Variants in SORCS1 observed in about 807,000 individuals in gnomAD.
The protein encoded by SORCS1 is VPS10 domain-containing receptor SorCS1.
Under a neutral mutation model 146.1 loss-of-function variants are expected in SORCS1, and 60 were observed. That is an observed-to-expected ratio of 0.41 (90% CI 0.33 to 0.51). The LOEUF (loss-of-function observed/expected upper bound fraction) is 0.51, where lower values mean the gene tolerates loss of function less well. Ranked by LOEUF, SORCS1 falls within the 20% of genes least tolerant of loss-of-function variation. The pLI is 0.21. For synonymous variants in SORCS1, 637 were observed against 584.0 expected, an observed-to-expected ratio of 1.09 and a Z score of -1.31; for missense variants, 1,352 against 1,487.6, an observed-to-expected ratio of 0.91 and a Z score of 1.50.
intron 18 of SORCS1, among the ~76,000 whole-genome samples, chr10:106,633,852 T>C (rs1848575220): frequency 6.6e-6 from 1 of 152,162 alleles, no homozygotes; most frequent in African/African-American, 2.4e-5. Flanking sequence ...CAGCACTGTT[T>C]TGAGGCCTCT....
At chr10:106,710,374 C>G (rs574368409) in intron 6 of SORCS1, among the ~76,000 whole-genome samples, 50 of 137,466 alleles carry the variant, frequency 3.6e-4, no homozygotes, top group African/African-American at 1.3e-3. Flanking sequence ...TTGAACCCAG[C>G]GGGGCGGAGG....
chr10:107,051,577 G>T (rs1960125836), intron 1 of SORCS1, among the ~76,000 whole-genome samples: 1 of 152,038 alleles, frequency 6.6e-6, no homozygotes, highest in South Asian at 2.1e-4. Flanking sequence ...ATTAACTCAG[G>T]GGGTTCATGG....
At chr10:107,002,640 G>C (rs1042126026) in intron 1 of SORCS1, among the ~76,000 whole-genome samples, 2 of 152,222 alleles carry the variant, frequency 1.3e-5, no homozygotes, top group East Asian at 3.9e-4. Flanking sequence ...TGCTGGAATT[G>C]CATACCTGCA....
At chr10:107,176,763 A>G in the SORCS1 span, among the ~76,000 whole-genome samples, 1 of 152,224 alleles carries the variant, frequency 6.6e-6, no homozygotes, top group African/African-American at 2.4e-5. Context: ...GCTATGATCA[A>G]TAATGGTAAA....
intron 23 of SORCS1, among the ~76,000 whole-genome samples, chr10:106,602,125 C>T (rs1846278557): frequency 6.6e-6 from 1 of 152,176 alleles, no homozygotes; most frequent in African/African-American, 2.4e-5. Flanking sequence ...TCATAGAACA[C>T]ATAACCCAAA....
intron 3 of SORCS1, among the ~76,000 whole-genome samples, chr10:106,822,947 A>T (rs1031167873): frequency 6.8e-6 from 1 of 146,810 alleles, no homozygotes; most frequent in African/African-American, 2.6e-5. Context: ...CACCCGGCTA[A>T]TTTTTTTGTA....
chr10:106,627,446 C>T (rs769420177), intron 19 of SORCS1, among the ~76,000 whole-genome samples: 1 of 152,160 alleles, frequency 6.6e-6, no homozygotes, highest in Non-Finnish European at 1.5e-5. Context: ...AGGTAGGAGC[C>T]ATTCTTGGCA....
chr10:106,614,891 G>A (rs766260561), intron 21 of SORCS1, among the ~76,000 whole-genome samples: 2 of 152,148 alleles, frequency 1.3e-5, no homozygotes, highest in Non-Finnish European at 2.9e-5. Flanking sequence ...ATACACTTGC[G>A]TATTTTTATT....
intron 1 of SORCS1, among the ~76,000 whole-genome samples, chr10:107,125,814 A>G (rs917916262): frequency 1.6e-4 from 25 of 152,202 alleles, no homozygotes; most frequent in African/African-American, 6.0e-4. Flanking sequence ...TAACATTTCC[A>G]GCAAAGTGGC....
At chr10:107,001,364 C>T (rs1437668834) in intron 1 of SORCS1, among the ~76,000 whole-genome samples, 1 of 151,986 alleles carries the variant, frequency 6.6e-6, no homozygotes, top group Non-Finnish European at 1.5e-5. Context: ...ACGTTTCAGA[C>T]CAATTACTCC....
rs568231400 is a variant in SORCS1 at position 106,706,422 on chromosome 10, G to C, written c.1233+123C>G. The C allele has an allele frequency of 1.8e-4, 163 of 912,110 alleles. No homozygotes were observed. The African/African-American group carries it at 2.4e-3, about 13-fold the overall frequency. The allele number at this position is 912,110 out of a possible 1,614,324, so 56.5% of individuals were successfully genotyped here. A position where few individuals can be genotyped will look rare whatever the true frequency, so the allele number is the denominator to read the frequency against. On this transcript the variant is annotated intron_variant, in intron 8 of 25. Transcript: ENST00000263054. ...TAAGGCAGAGCAAACTTGGGAAACA[G>C]AGATGAGAGATGTAAAGAAAACATG...
At chr10:106,590,274 T>G (rs954921614) in intron 24 of SORCS1, among the ~76,000 whole-genome samples, 3 of 152,220 alleles carry the variant, frequency 2.0e-5, no homozygotes, top group African/African-American at 7.2e-5. Context: ...GAACATTTTT[T>G]CATTCTCCTC....
intron 10 of SORCS1, among the ~76,000 whole-genome samples, chr10:106,681,974 A>T (rs917264325): frequency 6.6e-6 from 1 of 152,136 alleles, no homozygotes; most frequent in Non-Finnish European, 1.5e-5. Context: ...CTAAAAATAC[A>T]AAAATTAGCC....
intron 4 of SORCS1, among the ~76,000 whole-genome samples, chr10:106,773,469 C>T (rs1860182154): frequency 6.6e-6 from 1 of 152,198 alleles, no homozygotes; most frequent in Non-Finnish European, 1.5e-5. Context: ...GCGAATGCCC[C>T]ACTCCCTATT....
intron 5 of SORCS1, among the ~76,000 whole-genome samples, chr10:106,738,201 C>T (rs1290747109): frequency 1.3e-5 from 2 of 152,068 alleles, no homozygotes; most frequent in East Asian, 1.9e-4. Flanking sequence ...TCAAAGGGAT[C>T]CTTATCTTTA....
chr10:106,825,604 T>A (rs886235971), intron 3 of SORCS1, among the ~76,000 whole-genome samples: 8 of 152,074 alleles, frequency 5.3e-5, no homozygotes, highest in Middle Eastern at 3.2e-3. Flanking sequence ...ACATTTGTAT[T>A]AGTTCTTCCC....
chr10:106,823,170 T>A lies in SORCS1; in HGVS notation c.726+6404A>T, dbSNP rs151015986. The stretch of plus-strand genomic sequence containing the variant: ...GTGTACAAAGTGACAGATGAAAGAG[T>A]TAAGGTGGAATGAGCAAGTGTTGCT... On this transcript the variant is annotated intron_variant, in intron 3 of 25. Transcript: ENST00000263054. Among the ~76,000 whole-genome samples the A allele has an allele frequency of 3.7e-3, 559 of 152,096 alleles. 2 individuals carry two copies. The highest frequency in any genetic ancestry group is 5.0e-3 in the Non-Finnish European group (340 of 67,958).
intron 9 of SORCS1, 65 bp from the exon 10 acceptor site, chr10:106,688,403 T>C: frequency 6.4e-7 from 1 of 1,555,960 alleles, no homozygotes; most frequent in South Asian, 1.2e-5. Flanking sequence ...GTTTACTTTT[T>C]AAAAAAAGAA....
At chr10:107,034,193 G>T (rs1958789470) in intron 1 of SORCS1, among the ~76,000 whole-genome samples, 1 of 152,074 alleles carries the variant, frequency 6.6e-6, no homozygotes, top group African/African-American at 2.4e-5. Context: ...TAGTAAAGAA[G>T]ATCTCATAAA....
Sources: allele counts gnomAD v4.1 joint callset (sites outside exome capture counted in the v4.1 genomes callset), GRCh38; gene constraint gnomAD v4.1.1; transcripts MANE v1.5; gene names NCBI Gene and HGNC (gene_info 2026-07-23, HGNC 2026-07-21).